KIF1B: variants seen among roughly 807,000 people sequenced by gnomAD.
KIF1B encodes the protein kinesin-like protein KIF1B.
In KIF1B, 76 loss-of-function variants were observed where a neutral mutation model predicts 241.9. The ratio of observed to expected loss-of-function variants is 0.31; its 90% CI spans 0.26 to 0.38. The LOEUF (loss-of-function observed/expected upper bound fraction) is 0.38. Ranked by LOEUF, KIF1B falls within the 10% of genes least tolerant of loss-of-function variation. The probability of loss-of-function intolerance (pLI) is 1.00; values close to 1 mark genes in which losing one functional copy is unlikely to be tolerated. For missense variants in KIF1B, 1,622 were observed against 2,271.4 expected (o/e 0.71, Z 5.81); for synonymous variants, 750 against 796.7 (o/e 0.94, Z 0.99).
chr1:10,340,144 G>T (rs193224498), intron 32 of KIF1B, among the ~76,000 whole-genome samples: 1 of 152,170 alleles, frequency 6.6e-6, no homozygotes, highest in South Asian at 2.1e-4. Context: ...AGAAAAATAA[G>T]CATGCTTAAT....
intron 22 of KIF1B, chr1:10,306,390 T>C: frequency 7.8e-6 from 8 of 1,030,898 alleles, no homozygotes; most frequent in Non-Finnish European, 9.4e-6. Flanking sequence ...TCCTTTTTTA[T>C]TCCTCTTTAG....
intron 7 of KIF1B, among the ~76,000 whole-genome samples, chr1:10,269,241 A>G (rs1334018203): frequency 6.6e-6 from 1 of 152,160 alleles, no homozygotes; most frequent in Non-Finnish European, 1.5e-5. Flanking sequence ...TGGGCCGGGT[A>G]TGGTGGCTCA....
rs1242409792 is a variant in KIF1B, at chr1:10,321,694, C to T, written c.2210-15C>T. On this transcript the variant is annotated splice_polypyrimidine_tract_variant and intron_variant, in intron 23 of 48. Coordinates refer to ENST00000676179, the MANE Select transcript of KIF1B (RefSeq NM_001365951.3). ...TGTAAGATTGCCATTAAATATGCATCATTCATTCTTTCAGTTCCTTGGACA... is the reference window on the plus strand; with the variant it reads ...TGTAAGATTGCCATTAAATATGCATTATTCATTCTTTCAGTTCCTTGGACA... 1.2e-6 allele frequency: 2 copies of T among 1,613,132 alleles called. No homozygotes were observed. The highest frequency in any genetic ancestry group is 1.3e-5 in the African/African-American group (1 of 75,022).
intron 28 of KIF1B, 129 bp downstream of exon 28, chr1:10,334,767 C>T (rs1652101573): frequency 5.4e-6 from 4 of 743,250 alleles, no homozygotes; most frequent in African/African-American, 1.7e-5. Context: ...AATATACAGA[C>T]ACATACTTTG....
chr1:10,278,369 C>T lies in KIF1B; in HGVS notation c.1180+241C>T, dbSNP rs181618976. The stretch of plus-strand genomic sequence containing the variant: ...TGAACTCAGGAAATTAGTTTTAAAT[C>T]GCAAATATGTCACTAGTATTTTTGT... On this transcript the variant is annotated intron_variant, in intron 13 of 48. Transcript: ENST00000676179. 9.2e-5 allele frequency among the ~76,000 whole-genome samples: 14 copies of T among 152,196 alleles called. No individual in the cohort carries two copies. The East Asian group carries it at 2.5e-3, about 27-fold the overall frequency.
At chr1:10,325,280 A>T (rs1256644847) in intron 26 of KIF1B, among the ~76,000 whole-genome samples, 3 of 152,254 alleles carry the variant, frequency 2.0e-5, no homozygotes, top group African/African-American at 4.8e-5. Context: ...TCTTTTTTTT[A>T]AAAAGCAATT....
intron 5 of KIF1B, among the ~76,000 whole-genome samples, chr1:10,264,463 T>G (rs1418500810): frequency 1.2e-4 from 18 of 152,216 alleles, no homozygotes; most frequent in Admixed American, 1.1e-3. Context: ...TGGGTTCTCT[T>G]TGTCTCACAT....
rs144979835 is a variant in KIF1B, at chr1:10,252,629, C to A, written c.107-3618C>A. On this transcript the variant is annotated intron_variant, in intron 2 of 48. Coordinates refer to ENST00000676179, the MANE Select transcript of KIF1B (RefSeq NM_001365951.3). The stretch of plus-strand genomic sequence containing the variant: ...ATTTCACCATGTTGCCCAGGCTGGT[C>A]TCAAATTCCTGTACTCCAGCGATCC... 4.6e-3 allele frequency among the ~76,000 whole-genome samples: 704 copies of A among 152,034 alleles called. 6 individuals are homozygous for A. The highest frequency in any genetic ancestry group is 0.016 in the African/African-American group (664 of 41,444).
chr1:10,305,070 C>A, intron 22 of KIF1B: 1 of 1,070,060 alleles, frequency 9.3e-7, no homozygotes, highest in Non-Finnish European at 1.1e-6. Context: ...GTCTGTTATT[C>A]ATAAATGTTA....
chr1:10,240,618 C>G (rs1306687678), intron 2 of KIF1B, among the ~76,000 whole-genome samples: 2 of 151,842 alleles, frequency 1.3e-5, no homozygotes, highest in Admixed American at 6.6e-5. Flanking sequence ...ATGGAAATTA[C>G]CTTAAATATT....
At chr1:10,345,157 A>G (rs557069848) in intron 34 of KIF1B, among the ~76,000 whole-genome samples, 2 of 152,246 alleles carry the variant, frequency 1.3e-5, no homozygotes, top group African/African-American at 4.8e-5. Context: ...TCACGCCATA[A>G]AAAAGAAAAA....
chr1:10,306,512 G>GA, intron 22 of KIF1B: 2 of 762,116 alleles, frequency 2.6e-6, no homozygotes, highest in Non-Finnish European at 3.3e-6. Flanking sequence ...TTAGGAGGCT[G>GA]AAGCAGGAGG....
intron 2 of KIF1B, among the ~76,000 whole-genome samples, chr1:10,238,515 G>T (rs990974032): frequency 2.0e-5 from 3 of 151,918 alleles, no homozygotes; most frequent in African/African-American, 7.3e-5. Context: ...ACCAGCCTGG[G>T]CAACATGGCA....
intron 27 of KIF1B, among the ~76,000 whole-genome samples, chr1:10,327,366 T>A (rs1397773893): frequency 6.6e-6 from 1 of 152,066 alleles, no homozygotes; most frequent in Admixed American, 6.5e-5. Flanking sequence ...CCGGGCATGG[T>A]GGCGGGTGCC....
At chr1:10,220,015 C>T (rs925772484) in intron 1 of KIF1B, among the ~76,000 whole-genome samples, 1 of 151,664 alleles carries the variant, frequency 6.6e-6, no homozygotes, top group Non-Finnish European at 1.5e-5. Flanking sequence ...CCAGCCTGAC[C>T]AACATGGAGA....
At position 10,275,452 on chromosome 1, in the gene KIF1B, T is replaced by A; in HGVS notation, c.907T>A (p.Phe303Ile). ...SKSKKKKKTD[F>I]IPYRDSVLTW... ...GAGTAAAAAGAAGAAGAAAACAGAT[T>A]TTATTCCCTACAGGGATTCTGTACT... Residue 303 changes from phenylalanine to isoleucine, a missense_variant, in exon 11 of 49, where the codon TTT becomes ATT. Coordinates refer to ENST00000676179, the MANE Select transcript of KIF1B (RefSeq NM_001365951.3). 1.3e-6 allele frequency: 2 copies of A among 1,589,300 alleles called. No homozygotes were observed. Among genetic ancestry groups the A allele is most frequent in the Non-Finnish European group, 1.7e-6 (2 of 1,157,792 alleles).
intron 1 of KIF1B, among the ~76,000 whole-genome samples, chr1:10,227,323 G>A (rs193071554): frequency 6.6e-6 from 1 of 152,194 alleles, no homozygotes; most frequent in Admixed American, 6.5e-5. Flanking sequence ...GTGAGCCACC[G>A]TGCCTGGCCC....
intron 39 of KIF1B, 105 bp from the exon 40 acceptor site, chr1:10,361,587 T>C (rs1376888550): frequency 2.1e-6 from 3 of 1,396,006 alleles, no homozygotes; most frequent in Non-Finnish European, 3.0e-6. Flanking sequence ...GCTAAAATCC[T>C]TCAGTTCTCA....
chr1:10,283,868 G>A (rs1164583904), intron 15 of KIF1B, among the ~76,000 whole-genome samples: 3 of 152,242 alleles, frequency 2.0e-5, no homozygotes, highest in African/African-American at 7.2e-5. Flanking sequence ...AAGGACGATA[G>A]AGAACAGTGA....
Sources: allele counts gnomAD v4.1 joint callset (sites outside exome capture counted in the v4.1 genomes callset), GRCh38; gene constraint gnomAD v4.1.1; transcripts MANE v1.5; gene names NCBI Gene and HGNC (gene_info 2026-07-23, HGNC 2026-07-21).